SNTG1: variants seen among roughly 807,000 people sequenced by gnomAD.
The protein encoded by SNTG1 is gamma-1-syntrophin.
Under a neutral mutation model 74.7 loss-of-function variants are expected in SNTG1, and 39 were observed. The observed-to-expected ratio is 0.52, with a 90% CI of 0.40 to 0.68. The LOEUF (loss-of-function observed/expected upper bound fraction) is 0.68. Among genes scored for constraint, SNTG1 ranks in the 30% least tolerant of loss-of-function variants. The pLI is 0.00. For missense variants in SNTG1, 685 were observed against 609.5 expected (o/e 1.12, Z -1.30); for synonymous variants, 254 against 217.1 (o/e 1.17, Z -1.49).
chr8:50,044,647 A>G (rs1024275224), intron 1 of SNTG1, among the ~76,000 whole-genome samples: 2 of 152,224 alleles, frequency 1.3e-5, no homozygotes, highest in Admixed American at 6.5e-5. Flanking sequence ...CTGCAAGAGA[A>G]CTATAGGTTC....
At chr8:50,563,757 A>G (rs1199967609) in intron 12 of SNTG1, among the ~76,000 whole-genome samples, 3 of 152,068 alleles carry the variant, frequency 2.0e-5, no homozygotes, top group South Asian at 2.1e-4. Flanking sequence ...TCTCCTAAGA[A>G]TACATTGACT....
At chr8:50,721,462 T>A (rs1479720259) in intron 17 of SNTG1, among the ~76,000 whole-genome samples, 1 of 152,204 alleles carries the variant, frequency 6.6e-6, no homozygotes, top group Non-Finnish European at 1.5e-5. Flanking sequence ...AGCAGCATTA[T>A]TATAAGAAGA....
chr8:50,657,019 A>G lies in SNTG1; in HGVS notation c.960A>G (p.Ala320=). ...GCTCATGTCTCTACAAGTTTCTGGC[A>G]CCTCCAGTACGTGTTTTATTGAAAT... ...LRGSCLYKFL[A]PPVTTWDWTR... is the part of the protein sequence containing the mutation. Residue 320 remains alanine, a synonymous_variant, in exon 14 of 19, where the codon GCA becomes GCG. Coordinates refer to ENST00000642720, the MANE Select transcript of SNTG1 (RefSeq NM_018967.5). The G allele has an allele frequency of 2.0e-6, 3 of 1,529,308 alleles. No homozygotes were observed. Among genetic ancestry groups the G allele is most frequent in the Non-Finnish European group, 2.6e-6 (3 of 1,140,160 alleles). 94.7% of individuals were successfully genotyped at this position (1,529,308 alleles called of 1,614,324 possible).
intron 2 of SNTG1, among the ~76,000 whole-genome samples, chr8:50,201,068 A>G (rs2083970234): frequency 1.3e-5 from 2 of 152,168 alleles, no homozygotes; most frequent in Admixed American, 1.3e-4. Flanking sequence ...GCTTTGAGGT[A>G]TACTGATGGA....
chr8:49,969,249 T>G (rs1197936630), intron 1 of SNTG1, among the ~76,000 whole-genome samples: 1 of 152,104 alleles, frequency 6.6e-6, no homozygotes, highest in African/African-American at 2.4e-5. Flanking sequence ...TTTATGAGTC[T>G]TTAATAATTC....
At chr8:50,791,129 G>A (rs2095689601) in intron 18 of SNTG1, among the ~76,000 whole-genome samples, 1 of 151,900 alleles carries the variant, frequency 6.6e-6, no homozygotes, top group South Asian at 2.1e-4. Context: ...TTTAAAATGT[G>A]TTTGGGAAAT....
intron 1 of SNTG1, among the ~76,000 whole-genome samples, chr8:50,035,398 C>T (rs1329000235): frequency 4.6e-5 from 7 of 152,200 alleles, no homozygotes. Flanking sequence ...CTCCCCTCAT[C>T]TGGCTTGTGA....
intron 1 of SNTG1, among the ~76,000 whole-genome samples, chr8:50,154,143 G>A (rs1186246654): frequency 2.6e-5 from 4 of 152,116 alleles, no homozygotes; most frequent in Non-Finnish European, 2.9e-5. Context: ...CTTGCACTTT[G>A]ATGTCAGACT....
At chr8:50,170,510 G>A (rs2082768554) in intron 1 of SNTG1, among the ~76,000 whole-genome samples, 1 of 152,084 alleles carries the variant, frequency 6.6e-6, no homozygotes, top group Non-Finnish European at 1.5e-5. Flanking sequence ...TGACATATGT[G>A]GGGATACAGT....
At chr8:50,501,233 G>A (rs1433196007) in intron 8 of SNTG1, among the ~76,000 whole-genome samples, 9 of 151,978 alleles carry the variant, frequency 5.9e-5, no homozygotes, top group Non-Finnish European at 2.9e-5. Context: ...AAAGTGCCCG[G>A]CCTGTTTGGT....
At chr8:50,778,309 A>C (rs998777856) in intron 18 of SNTG1, among the ~76,000 whole-genome samples, 3 of 152,240 alleles carry the variant, frequency 2.0e-5, no homozygotes, top group African/African-American at 7.2e-5. Context: ...ACTAGTTTAC[A>C]GTCCCACTGA....
intron 2 of SNTG1, among the ~76,000 whole-genome samples, chr8:50,197,742 T>G (rs1234626573): frequency 6.6e-6 from 1 of 152,172 alleles, no homozygotes. Context: ...TGCATCTCGT[T>G]TCAAACTTGG....
At chr8:49,977,559 CAG>C (rs2130075042) in intron 1 of SNTG1, among the ~76,000 whole-genome samples, 1 of 152,232 alleles carries the variant, frequency 6.6e-6, no homozygotes, top group East Asian at 1.9e-4. Flanking sequence ...AGTAGGAAAA[CAG>C]AGCAGCAAAC....
chr8:49,939,451 T>A (rs1165841201), intron 1 of SNTG1, among the ~76,000 whole-genome samples: 1 of 152,184 alleles, frequency 6.6e-6, no homozygotes, highest in Non-Finnish European at 1.5e-5. Context: ...AGCAATGTAC[T>A]ACACTTTGTT....
chr8:50,404,175 C>T (rs2092840775), intron 4 of SNTG1, among the ~76,000 whole-genome samples: 1 of 151,946 alleles, frequency 6.6e-6, no homozygotes, highest in Non-Finnish European at 1.5e-5. Context: ...ATGCAATCCA[C>T]AATAAGTCAG....
Position 50,779,509 on chromosome 8 carries a change from T to C in SNTG1, c.1396-13162T>C, listed in dbSNP as rs578246806. ...TCATTATTTGGCTCTCTGTTTGTCTTTTATTGGTGTATAAGAATGCTTGTG... is the reference window on the plus strand; with the variant it reads ...TCATTATTTGGCTCTCTGTTTGTCTCTTATTGGTGTATAAGAATGCTTGTG... On this transcript the variant is annotated intron_variant, in intron 18 of 18. Coordinates refer to ENST00000642720, the MANE Select transcript of SNTG1 (RefSeq NM_018967.5). Among the ~76,000 whole-genome samples the C allele has an allele frequency of 1.1e-3, 164 of 151,784 alleles. 1 individual carries two copies. Among genetic ancestry groups the C allele is most frequent in the South Asian group, 7.7e-3 (37 of 4,814 alleles).
chr8:50,539,620 G>A (rs1307502880), intron 11 of SNTG1, among the ~76,000 whole-genome samples: 1 of 152,122 alleles, frequency 6.6e-6, no homozygotes, highest in Non-Finnish European at 1.5e-5. Flanking sequence ...GCATGGAAGG[G>A]GAGGCACAGT....
intron 8 of SNTG1, among the ~76,000 whole-genome samples, chr8:50,467,561 TTTTC>T (rs1206742785): frequency 6.6e-6 from 1 of 151,906 alleles, no homozygotes; most frequent in South Asian, 2.1e-4. Flanking sequence ...CAATTTCTCA[TTTTC>T]TTTATCTTTT....
intron 15 of SNTG1, 56 bp downstream of exon 15, chr8:50,658,719 C>A: frequency 8.4e-7 from 1 of 1,197,280 alleles, no homozygotes; most frequent in Non-Finnish European, 1.2e-6. Flanking sequence ...AATAGTGCCT[C>A]TGGGCTCATA....
Sources: allele counts gnomAD v4.1 joint callset (sites outside exome capture counted in the v4.1 genomes callset), GRCh38; gene constraint gnomAD v4.1.1; transcripts MANE v1.5; gene names NCBI Gene and HGNC (gene_info 2026-07-23, HGNC 2026-07-21).